Variants in ALDH7A1 observed in about 807,000 individuals in gnomAD.
The protein encoded by ALDH7A1 is alpha-aminoadipic semialdehyde dehydrogenase.
In ALDH7A1, 63 loss-of-function variants were observed where a neutral mutation model predicts 79.9. That is an observed-to-expected ratio of 0.79 (90% CI 0.64 to 0.97). ALDH7A1 has a LOEUF of 0.97. Ranked by LOEUF, ALDH7A1 falls within the 50% of genes least tolerant of loss-of-function variation. The pLI is 0.00. For missense variants in ALDH7A1, 627 were observed against 665.2 expected (o/e 0.94, Z 0.63); for synonymous variants, 240 against 231.2 (o/e 1.04, Z -0.34).
chr5:126,550,428 ACT>A, intron 14 of ALDH7A1, 135 bp from the exon 15 acceptor site: 1 of 717,486 alleles, frequency 1.4e-6, no homozygotes, highest in East Asian at 2.7e-5. Flanking sequence ...AAGTTTACTC[ACT>A]CTGTTTCTCT....
intron 13 of ALDH7A1, 61 bp from the exon 14 acceptor site, chr5:126,552,198 A>G (rs1457375056): frequency 3.1e-6 from 4 of 1,281,088 alleles, no homozygotes; most frequent in Non-Finnish European, 4.5e-6. Context: ...ACTTGGGGTC[A>G]GAGGATGCAA....
chr5:126,583,695 C>A (rs1751251054), intron 4 of ALDH7A1, among the ~76,000 whole-genome samples: 2 of 151,324 alleles, frequency 1.3e-5, no homozygotes, highest in African/African-American at 4.9e-5. Flanking sequence ...AAAAAATTAG[C>A]CAGCCGTGGT....
chr5:126,557,457 G>A (rs1293280468), intron 11 of ALDH7A1, among the ~76,000 whole-genome samples: 1 of 151,772 alleles, frequency 6.6e-6, no homozygotes, highest in Non-Finnish European at 1.5e-5. Context: ...CACGGTGATG[G>A]GTGCCTGTAG....
At chr5:126,594,595 C>T (rs1048457093) in intron 1 of ALDH7A1, among the ~76,000 whole-genome samples, 4 of 151,922 alleles carry the variant, frequency 2.6e-5, no homozygotes, top group African/African-American at 9.7e-5. Flanking sequence ...CAGGCATGCG[C>T]CACCACGCCC....
rs560574674 is a variant in ALDH7A1 at position 126,580,812 on chromosome 5, A to G, written c.517+2039T>C. ...ACATTGCAAACATCACAAATTGCTT[A>G]CACTCTTAACCTCATTTTTTTTTTT... On this transcript the variant is annotated intron_variant, in intron 5 of 17. Transcript: ENST00000409134. Among the ~76,000 whole-genome samples, 5 of 151,114 alleles carry G rather than the reference A, an allele frequency of 3.3e-5. No individual in the cohort carries two copies. In the South Asian group the frequency reaches 8.4e-4, roughly 25 times the overall value.
At chr5:126,582,235 G>A in intron 5 of ALDH7A1, 1 of 397,494 alleles carries the variant, frequency 2.5e-6, no homozygotes, top group Non-Finnish European at 4.4e-6. Flanking sequence ...GGGGTAGGAG[G>A]GAAACTTTTA....
chr5:126,578,411 G>A (rs1233281182), intron 5 of ALDH7A1, among the ~76,000 whole-genome samples: 1 of 152,112 alleles, frequency 6.6e-6, no homozygotes, highest in Non-Finnish European at 1.5e-5. Context: ...TTGGGATGCT[G>A]GGACGGGAGA....
chr5:126,559,347 C>T lies in ALDH7A1; in HGVS notation c.914-13G>A, dbSNP rs148928130. ...GCATCTTCAAAGGCTTAGGAAAGCACAAACACTTCCATCAGCGAACCAAAA... is the reference window on the plus strand; with the variant it reads ...GCATCTTCAAAGGCTTAGGAAAGCATAAACACTTCCATCAGCGAACCAAAA... On this transcript the variant is annotated splice_polypyrimidine_tract_variant and intron_variant, in intron 10 of 17. Transcript: ENST00000409134. The T allele has an allele frequency of 2.0e-5, 32 of 1,601,084 alleles. No individual in the cohort carries two copies. In the East Asian group the frequency reaches 5.4e-4, roughly 27 times the overall value.
Position 126,595,166 on chromosome 5 carries a change from G to A in ALDH7A1, c.33C>T (p.His11=), listed in dbSNP as rs753485531. Residue 11 remains histidine (H), a synonymous_variant, in exon 1 of 18, where the codon CAC becomes CAT. Coordinates refer to ENST00000409134, the MANE Select transcript of ALDH7A1 (RefSeq NM_001182.5). The stretch of plus-strand genomic sequence containing the variant: ...CAGAGAGCTTGCTGGTCTTTGCAGC[G>A]TGCACACACAGCGCGCGAGGAAGGC... MWRLPRALCV[H]AAKTSKLSGP... is the part of the protein sequence containing the mutation. 1 of 1,554,806 alleles carries A rather than the reference G, an allele frequency of 6.4e-7. No homozygotes were observed. The highest frequency in any genetic ancestry group is 8.7e-7 in the Non-Finnish European group (1 of 1,148,614).
chr5:126,545,027 G>C lies in ALDH7A1; in HGVS notation c.1566-8C>G. ...TTACTGTAGTTGATAGTACTAGTGG[G>C]AAAAAATAACAGAATTAATGACAGT... is the stretch of plus-strand genomic sequence containing the variant. On this transcript the variant is annotated splice_region_variant and splice_polypyrimidine_tract_variant and intron_variant, in intron 17 of 17. Coordinates refer to ENST00000409134, the MANE Select transcript of ALDH7A1 (RefSeq NM_001182.5). 2 of 1,599,346 alleles carry C rather than the reference G, an allele frequency of 1.3e-6. No individual in the cohort carries two copies. The highest frequency in any genetic ancestry group is 1.7e-6 in the Non-Finnish European group (2 of 1,166,742).
chr5:126,546,046 G>A (rs1215532889), intron 17 of ALDH7A1, among the ~76,000 whole-genome samples: 1 of 151,606 alleles, frequency 6.6e-6, no homozygotes, highest in Non-Finnish European at 1.5e-5. Flanking sequence ...TCGGGAGTTC[G>A]AGACCAGCCT....
At chr5:126,561,024 C>A in intron 10 of ALDH7A1, 59 bp downstream of exon 10, 1 of 1,570,692 alleles carries the variant, frequency 6.4e-7, no homozygotes, top group Non-Finnish European at 8.8e-7. Context: ...TCCATATATT[C>A]AGGATGGCGA....
intron 5 of ALDH7A1, 128 bp from the exon 6 acceptor site, chr5:126,577,339 C>G (rs2112794918): frequency 8.5e-7 from 1 of 1,183,314 alleles, no homozygotes; most frequent in South Asian, 1.3e-5. Context: ...TGCTACACAG[C>G]CATGGGATAT....
At position 126,584,004 on chromosome 5, in the gene ALDH7A1, A is replaced by G. The variant is rs1325708741; in HGVS notation, c.321T>C (p.Ala107=). The G allele has an allele frequency of 6.2e-7, 1 of 1,614,028 alleles. No individual in the cohort carries two copies. Among genetic ancestry groups the G allele is most frequent in the Non-Finnish European group, 8.5e-7 (1 of 1,179,898 alleles). ...GTCTTACTATTTCTCCTCGTTTTGGAGCAGGAATCTAAGAAAAGAATGCAA... is the reference window on the plus strand; with the variant it reads ...GTCTTACTATTTCTCCTCGTTTTGGGGCAGGAATCTAAGAAAAGAATGCAA... ...EAWKIWADIP[A]PKRGEIVRQI... is the part of the protein sequence containing the mutation. The change falls in exon 4 of 18, where the codon GCT becomes GCC. Residue 107 remains alanine, a synonymous_variant. Coordinates refer to ENST00000409134, the MANE Select transcript of ALDH7A1 (RefSeq NM_001182.5).
chr5:126,590,517 C>G (rs1027599357), intron 3 of ALDH7A1, among the ~76,000 whole-genome samples: 4 of 152,000 alleles, frequency 2.6e-5, no homozygotes, highest in Admixed American at 2.0e-4. Flanking sequence ...TGAGATCACA[C>G]CACTGCAGAG....
intron 9 of ALDH7A1, among the ~76,000 whole-genome samples, chr5:126,565,948 A>G (rs146959123): frequency 1.5e-4 from 23 of 152,328 alleles, no homozygotes; most frequent in African/African-American, 5.3e-4. Context: ...TTTTATGTCT[A>G]TCCTTATGCT....
intron 16 of ALDH7A1, among the ~76,000 whole-genome samples, chr5:126,546,979 T>C (rs1328023108): frequency 6.6e-6 from 1 of 152,240 alleles, no homozygotes; most frequent in African/African-American, 2.4e-5. Context: ...ATGTTTGCCC[T>C]TCTAGCTCTC....
At chr5:126,564,637 G>A in intron 9 of ALDH7A1, 1 of 1,129,804 alleles carries the variant, frequency 8.9e-7, no homozygotes, top group Non-Finnish European at 1.1e-6. Context: ...TGAAGACATG[G>A]CTGTTACTAC....
intron 6 of ALDH7A1, among the ~76,000 whole-genome samples, chr5:126,576,265 A>C (rs1267906912): frequency 6.7e-6 from 1 of 150,042 alleles, no homozygotes; most frequent in African/African-American, 2.4e-5. Flanking sequence ...TCTGTCACAA[A>C]AAAAAAAAAA....
Sources: allele counts gnomAD v4.1 joint callset (sites outside exome capture counted in the v4.1 genomes callset), GRCh38; gene constraint gnomAD v4.1.1; transcripts MANE v1.5; gene names NCBI Gene and HGNC (gene_info 2026-07-23, HGNC 2026-07-21).